IGF1: variants seen among roughly 807,000 people sequenced by gnomAD.
The protein encoded by IGF1 is insulin like growth factor 1, also known as insulin-like growth factor 1.
Under a neutral mutation model 13.8 loss-of-function variants are expected in IGF1, and 4 were observed. The ratio of observed to expected loss-of-function variants is 0.29; its 90% CI spans 0.14 to 0.66. The LOEUF is 0.66. Among genes scored for constraint, IGF1 ranks in the 30% least tolerant of loss-of-function variants. IGF1 has a pLI of 0.78. For synonymous variants in IGF1, 76 were observed against 72.6 expected, an observed-to-expected ratio of 1.05 and a Z score of -0.23; for missense variants, 124 against 188.5, an observed-to-expected ratio of 0.66 and a Z score of 2.00.
At chr12:102,475,409 C>T (rs1457115147) in intron 2 of IGF1, among the ~76,000 whole-genome samples, 1 of 151,954 alleles carries the variant, frequency 6.6e-6, no homozygotes, top group Non-Finnish European at 1.5e-5. Context: ...GAAGGCTTAG[C>T]AGGAAGTAGT....
chr12:102,450,614 T>C (rs1311048610), intron 2 of IGF1, among the ~76,000 whole-genome samples: 1 of 152,264 alleles, frequency 6.6e-6, no homozygotes. Context: ...TTACTCTTTC[T>C]GTGTTGGCAA....
chr12:102,451,573 G>A (rs919879352), intron 2 of IGF1, among the ~76,000 whole-genome samples: 1 of 152,238 alleles, frequency 6.6e-6, no homozygotes, highest in African/African-American at 2.4e-5. Context: ...GGAGATCGAT[G>A]AGAAAGATAT....
At chr12:102,404,760 G>GT (rs1333030816) in intron 3 of IGF1, among the ~76,000 whole-genome samples, 4 of 32,204 alleles carry the variant, frequency 1.2e-4, no homozygotes, top group African/African-American at 3.2e-4. Flanking sequence ...GTTTTTTTTT[G>GT]TTGTTTTTTT....
At chr12:102,418,963 C>T (rs1875416900) in intron 3 of IGF1, among the ~76,000 whole-genome samples, 1 of 152,252 alleles carries the variant, frequency 6.6e-6, no homozygotes, top group Middle Eastern at 3.4e-3. Context: ...TTCCCATTAG[C>T]CTTTTATTTT....
intron 2 of IGF1, among the ~76,000 whole-genome samples, chr12:102,426,171 A>G (rs1277951885): frequency 6.6e-6 from 1 of 152,214 alleles, no homozygotes; most frequent in African/African-American, 2.4e-5. Context: ...GGCTAAAAGC[A>G]CAAGTTTTGG....
intron 2 of IGF1, among the ~76,000 whole-genome samples, chr12:102,467,538 C>T (rs1014607248): frequency 3.9e-5 from 6 of 152,122 alleles, no homozygotes; most frequent in South Asian, 2.1e-4. Context: ...AAATTATGAC[C>T]TTAAGTGGAC....
At chr12:102,463,985 A>G (rs1170645202) in intron 2 of IGF1, among the ~76,000 whole-genome samples, 2 of 152,180 alleles carry the variant, frequency 1.3e-5, no homozygotes, top group East Asian at 1.9e-4. Context: ...TAATTTTTCA[A>G]TTCTGCATTG....
Position 102,453,371 on chromosome 12 carries a change from T to A in IGF1, c.220+22272A>T, listed in dbSNP as rs558624827. 3.9e-5 allele frequency among the ~76,000 whole-genome samples: 6 copies of A among 152,312 alleles called. No homozygotes were observed. In the South Asian group the frequency reaches 1.2e-3, roughly 32 times the overall value. On this transcript the variant is annotated intron_variant, in intron 2 of 3. Transcript: ENST00000337514. Reference sequence around the variant, plus strand: ...TGATCTTAAAGAGGTATGGTAGGATTAGGAAACTTTTCTTCAGGCCTCAGT... The same window carrying A: ...TGATCTTAAAGAGGTATGGTAGGATAAGGAAACTTTTCTTCAGGCCTCAGT...
chr12:102,477,100 G>C (rs960284776), intron 1 of IGF1, among the ~76,000 whole-genome samples: 2 of 152,004 alleles, frequency 1.3e-5, no homozygotes, highest in Non-Finnish European at 2.9e-5. Flanking sequence ...CAGAGTAGTG[G>C]CAGGTCCATT....
intron 3 of IGF1, among the ~76,000 whole-genome samples, chr12:102,408,523 C>T (rs961773324): frequency 2.0e-5 from 3 of 152,192 alleles, no homozygotes; most frequent in Non-Finnish European, 4.4e-5. Context: ...GGGATATGTA[C>T]TTACTGGACA....
At chr12:102,440,943 G>A (rs886489736) in intron 2 of IGF1, among the ~76,000 whole-genome samples, 5 of 152,114 alleles carry the variant, frequency 3.3e-5, no homozygotes, top group Admixed American at 3.3e-4. Context: ...TAATTAGATG[G>A]TGCTCAGTCC....
intron 3 of IGF1, chr12:102,415,582 CCTTCCTTCCTTCCT>C (rs1418469278): frequency 6.8e-6 from 1 of 147,912 alleles, no homozygotes; most frequent in African/African-American, 2.5e-5. Flanking sequence ...TTCCTTCCTT[CCTTCCTTCCTTCCT>C]TCCCTCCCTC....
At chr12:102,415,611 C>CCTCA (rs1875076577) in intron 3 of IGF1, 2 of 147,672 alleles carry the variant, frequency 1.4e-5, no homozygotes, top group African/African-American at 5.0e-5. Context: ...TCCCTCCCTC[C>CCTCA]CTCCTTCCTT....
intron 1 of IGF1, chr12:102,478,436 A>G (rs371161369): frequency 1.8e-4 from 241 of 1,336,046 alleles, no homozygotes; most frequent in South Asian, 3.8e-4. Flanking sequence ...CTGGGCCACA[A>G]TGAAAATGCC....
At chr12:102,402,771 G>T (rs1054534837) in intron 3 of IGF1, among the ~76,000 whole-genome samples, 3 of 152,150 alleles carry the variant, frequency 2.0e-5, no homozygotes, top group African/African-American at 7.2e-5. Flanking sequence ...CATCTTCTAT[G>T]TACCCCTGGT....
chr12:102,475,380 T>C (rs755229347), intron 2 of IGF1, among the ~76,000 whole-genome samples: 1 of 151,880 alleles, frequency 6.6e-6, no homozygotes, highest in Non-Finnish European at 1.5e-5. Flanking sequence ...AATAGTGAGG[T>C]GGATCATAAT....
At chr12:102,439,788 G>GAAGTGACTTAAT (rs959791501) in intron 2 of IGF1, among the ~76,000 whole-genome samples, 1 of 151,270 alleles carries the variant, frequency 6.6e-6, no homozygotes, top group African/African-American at 2.4e-5. Context: ...AAAAGGCTAA[G>GAAGTGACTTAAT]AAGTGACTTA....
rs76845058 is a variant in IGF1, at chr12:102,444,794, G to C, written c.221-25104C>G. On this transcript the variant is annotated intron_variant, in intron 2 of 3. Coordinates refer to ENST00000337514, the MANE Select transcript of IGF1 (RefSeq NM_000618.5). ...AAGTTGCAACCTTCAAGGAATTTGG[G>C]ACCCAGTAAGGAGATGCGTTAACTC... Among the ~76,000 whole-genome samples the C allele has an allele frequency of 2.3e-3, 343 of 152,130 alleles. 1 individual carries two copies. Among genetic ancestry groups the C allele is most frequent in the African/African-American group, 7.8e-3 (326 of 41,536 alleles).
At chr12:102,437,984 A>T (rs1002653544) in intron 2 of IGF1, among the ~76,000 whole-genome samples, 9 of 152,212 alleles carry the variant, frequency 5.9e-5, no homozygotes, top group African/African-American at 2.2e-4. Flanking sequence ...GAACTTTCAC[A>T]CTGGACAGAC....
Sources: gnomAD v4.1 joint callset for allele counts (sites outside exome capture counted in the v4.1 genomes callset) on GRCh38, gnomAD v4.1.1 for gene constraint, MANE v1.5 for transcripts, NCBI Gene and HGNC (gene_info 2026-07-23, HGNC 2026-07-21) for gene names.